INTS10: variants seen among roughly 807,000 people sequenced by gnomAD.
The protein encoded by INTS10 is integrator complex subunit 10, also known as chromosome 8 open reading frame 35.
INTS10 carries 44 observed loss-of-function variants against 94.4 expected under a neutral mutation model. The observed-to-expected ratio is 0.47, with a 90% confidence interval of 0.37 to 0.60. The LOEUF is 0.60. Ranked by LOEUF, INTS10 falls within the 20% of genes least tolerant of loss-of-function variation. INTS10 has a pLI of 0.00. For missense variants in INTS10, 797 were observed against 868.7 expected (o/e 0.92, Z 1.04); for synonymous variants, 341 against 320.7 (o/e 1.06, Z -0.68).
chr8:19,832,109 A>C lies in INTS10; in HGVS notation c.1376A>C (p.Gln459Pro). Residue 459 changes from glutamine to proline, a missense_variant and splice_region_variant, in exon 11 of 17, where the codon CAG becomes CCG. By Grantham distance (76) the Gln-to-Pro change is moderately conservative. Transcript: ENST00000397977. ...RIFLTDMIIY[Q>P]GQYKKAIASL... The stretch of plus-strand genomic sequence containing the variant: ...TTCCTCACTGATATGATCATCTATC[A>C]GGTAGAGTATTATACATATTTTAGG... 1 of 1,542,142 alleles carries C rather than the reference A, an allele frequency of 6.5e-7. No homozygotes were observed. Among genetic ancestry groups the C allele is most frequent in the South Asian group, 1.1e-5 (1 of 89,606 alleles).
In INTS10 at chr8:19,843,330, A is replaced by G. The variant is rs1422160833; in HGVS notation, c.1719+403A>G. ...AAGCATGTTAGGTGTTGAGATCAAC[A>G]CCAGTAACAGCCCAACAGTTGGGAA... On this transcript the variant is annotated intron_variant, in intron 14 of 16. Transcript: ENST00000397977. This position sits in a 1 kb window ranked among gnomAD's most constrained non-coding sequence, Gnocchi z 4.7. 2.6e-5 allele frequency among the ~76,000 whole-genome samples: 4 copies of G among 152,206 alleles called. No individual in the cohort carries two copies. Among genetic ancestry groups the G allele is most frequent in the African/African-American group, 9.6e-5 (4 of 41,458 alleles).
At position 19,819,638 on chromosome 8, in the gene INTS10, G is replaced by C; in HGVS notation, c.263G>C (p.Arg88Thr). The C allele has an allele frequency of 6.2e-7, 1 of 1,613,560 alleles. No homozygotes were observed. The highest frequency in any genetic ancestry group is 1.1e-5 in the South Asian group (1 of 90,998). Reference sequence around the variant, plus strand: ...ATCAGCATTATTACATCAGCATTAAGGAACGATTCACAGGACAAACAAACC... The same window carrying C: ...ATCAGCATTATTACATCAGCATTAACGAACGATTCACAGGACAAACAAACC... ...REISIITSAL[R>T]NDSQDKQTQF... The change falls in exon 3 of 17, where the codon AGG becomes ACG. Residue 88 changes from arginine (R) to threonine (T), a missense_variant. This residue lies in a region of INTS10 where 734 missense variants were observed against 787.8 expected (regional missense o/e 0.93). Transcript: ENST00000397977.
At chr8:19,832,610 C>G (rs2067317136) in intron 11 of INTS10, among the ~76,000 whole-genome samples, 1 of 152,060 alleles carries the variant, frequency 6.6e-6, no homozygotes, top group Admixed American at 6.6e-5. Context: ...CAAGCCTGTA[C>G]CTTCTGTGTT....
intron 2 of INTS10, 82 bp downstream of exon 2, chr8:19,818,424 G>T: frequency 7.2e-7 from 1 of 1,390,756 alleles, no homozygotes; most frequent in South Asian, 1.2e-5. Flanking sequence ...GTGGGAGTTG[G>T]GGGAAGATCT....
rs929323807 is a variant in INTS10, at chr8:19,817,452, C to CGGCGGCGGTGGCTGCCGT, written c.-79_-62dup. On this transcript the variant is annotated 5_prime_UTR_variant, in exon 1 of 17. Coordinates refer to ENST00000397977, the MANE Select transcript of INTS10 (RefSeq NM_018142.4). ...GTAGCCTCCCCCGCGGTGGCGGCGG[C>CGGCGGCGGTGGCTGCCGT]GGCGGCGGTGGCTGCCGTGGCGGCT... The CGGCGGCGGTGGCTGCCGT allele has an allele frequency of 4.7e-5, 72 of 1,517,410 alleles. No homozygotes were observed. The highest frequency in any genetic ancestry group is 2.4e-4 in the East Asian group (10 of 41,880). The allele number at this position is 1,517,410 out of a possible 1,614,324, so 94.0% of individuals were successfully genotyped here.
chr8:19,822,440 T>C lies in INTS10; in HGVS notation c.443T>C (p.Val148Ala), dbSNP rs749084226. 6.3e-7 allele frequency: 1 copy of C among 1,598,634 alleles called. No individual in the cohort carries two copies. The highest frequency in any genetic ancestry group is 8.6e-7 in the Non-Finnish European group (1 of 1,166,418). ...ATGAGTAATTTTGTTTTGAAATAGG[T>C]TGGCCTTGGGGAGGCACTATTAGAG... ...RFPETVVQHG[V>A]GLGEALLEAE... Residue 148 changes from valine (V) to alanine (A), a missense_variant and splice_region_variant, in exon 5 of 17, where the codon GTT (valine) becomes GCT (alanine). Transcript: ENST00000397977.
rs895789184 is a variant in INTS10 at position 19,833,188 on chromosome 8, T to G, written c.1397T>G (p.Ile466Arg). 6.2e-7 allele frequency: 1 copy of G among 1,606,288 alleles called. No homozygotes were observed. The highest frequency in any genetic ancestry group is 1.1e-5 in the South Asian group (1 of 90,060). Residue 466 changes from isoleucine to arginine, a missense_variant, in exon 12 of 17, where the codon ATA (isoleucine) becomes AGA (arginine). By Grantham distance (97) the Ile-to-Arg change is moderately conservative. This residue lies in a region of INTS10 where 734 missense variants were observed against 787.8 expected (regional missense o/e 0.93). Transcript: ENST00000397977. Reference sequence around the variant, plus strand: ...TCTTAGGGTCAATATAAAAAGGCGATAGCCAGCCTGCATCACTTAGCAGCT... The same window carrying G: ...TCTTAGGGTCAATATAAAAAGGCGAGAGCCAGCCTGCATCACTTAGCAGCT... ...IIYQGQYKKA[I>R]ASLHHLAALQ... is the part of the protein sequence containing the mutation.
At chr8:19,836,126 T>G (rs968574979) in intron 12 of INTS10, among the ~76,000 whole-genome samples, 23 of 151,702 alleles carry the variant, frequency 1.5e-4, no homozygotes, top group African/African-American at 5.1e-4. Context: ...ATCTACACGT[T>G]CGGCACATAT....
chr8:19,841,534 A>G (rs1185606675), intron 13 of INTS10, among the ~76,000 whole-genome samples: 3 of 152,210 alleles, frequency 2.0e-5, no homozygotes, highest in Non-Finnish European at 4.4e-5. Flanking sequence ...AGGAGCAGAA[A>G]TCCAAATGGC....
At chr8:19,822,570 G>T in intron 5 of INTS10, 50 bp downstream of exon 5, 2 of 1,171,476 alleles carry the variant, frequency 1.7e-6, no homozygotes, top group Admixed American at 1.8e-5. Context: ...TAATATGCTG[G>T]GGTAAGTGTT....
chr8:19,841,123 G>A, intron 13 of INTS10, among the ~76,000 whole-genome samples: 1 of 151,894 alleles, frequency 6.6e-6, no homozygotes. Context: ...ATTCAGTGGG[G>A]GAAGAATGAA....
At chr8:19,850,119 A>C (rs1161655947) in intron 16 of INTS10, among the ~76,000 whole-genome samples, 1 of 146,604 alleles carries the variant, frequency 6.8e-6, no homozygotes, top group Non-Finnish European at 1.5e-5. Flanking sequence ...GCAAGATAGC[A>C]AGATGCCATC....
rs765019955 is a variant in INTS10 at position 19,823,459 on chromosome 8, G to A, written c.664+18G>A. 1.9e-6 allele frequency: 3 copies of A among 1,539,264 alleles called. No individual in the cohort carries two copies. The highest frequency in any genetic ancestry group is 1.7e-5 in the Admixed American group (1 of 57,896). On this transcript the variant is annotated intron_variant, in intron 6 of 16. Coordinates refer to ENST00000397977, the MANE Select transcript of INTS10 (RefSeq NM_018142.4). ...GCATCAAGGTAAGTAGGAATACCCT[G>A]TACTTTTACTTAAATAGGCTTTAGT...
At position 19,817,466 on chromosome 8, in the gene INTS10, G is replaced by A. The variant is rs908529471; in HGVS notation, c.-72G>A. ...GGTGGCGGCGGCGGCGGCGGTGGCT[G>A]CCGTGGCGGCTGAGAGTCCAGAGCC... is the stretch of plus-strand genomic sequence containing the variant. On this transcript the variant is annotated 5_prime_UTR_variant, in exon 1 of 17. Coordinates refer to ENST00000397977, the MANE Select transcript of INTS10 (RefSeq NM_018142.4). 11 of 1,545,290 alleles carry A rather than the reference G, an allele frequency of 7.1e-6. No homozygotes were observed. The highest frequency in any genetic ancestry group is 4.1e-5 in the African/African-American group (3 of 73,210).
intron 13 of INTS10, among the ~76,000 whole-genome samples, chr8:19,842,590 G>A (rs1414181856): frequency 2.0e-5 from 3 of 152,196 alleles, no homozygotes; most frequent in Non-Finnish European, 4.4e-5. Context: ...ATAACTTTGT[G>A]TATATTTGAA....
chr8:19,828,675 C>T (rs567959634), intron 9 of INTS10, among the ~76,000 whole-genome samples: 2 of 151,100 alleles, frequency 1.3e-5, no homozygotes, highest in East Asian at 3.9e-4. Context: ...CGTTACTTGG[C>T]AAAGAACAGG....
chr8:19,845,720 G>C lies in INTS10; in HGVS notation c.1899G>C (p.Glu633Asp). Residue 633 changes from glutamate (E) to aspartate (D), a missense_variant, in exon 16 of 17, where the codon GAG (glutamate) becomes GAC (aspartate). By Grantham distance (45) the Glu-to-Asp change is conservative. Around this residue, in one of 3 missense-constraint regions of INTS10, gnomAD observed 734 missense variants for 787.8 expected, o/e 0.93. Coordinates refer to ENST00000397977, the MANE Select transcript of INTS10 (RefSeq NM_018142.4). ...GGCCTGCAGATATTGATATGCTGGA[G>C]GAATTTGCCTACTTGAGAACTCAGG... ...FNYVTNIDML[E>D]EFAYLRTQEG... 6.2e-7 allele frequency: 1 copy of C among 1,613,328 alleles called. No homozygotes were observed. Among genetic ancestry groups the C allele is most frequent in the Non-Finnish European group, 8.5e-7 (1 of 1,179,284 alleles).
At chr8:19,829,027 G>A (rs2067028528) in intron 9 of INTS10, among the ~76,000 whole-genome samples, 1 of 152,190 alleles carries the variant, frequency 6.6e-6, no homozygotes. Flanking sequence ...GCAGTGGAGG[G>A]AGGTGCTGAC....
chr8:19,819,445 G>T, intron 2 of INTS10, 128 bp from the exon 3 acceptor site: 2 of 556,128 alleles, frequency 3.6e-6, no homozygotes. Flanking sequence ...TTTTATTTTG[G>T]TTTGTTTTGG....
Sources: allele counts gnomAD v4.1 joint callset (sites outside exome capture counted in the v4.1 genomes callset), GRCh38; gene constraint gnomAD v4.1.1; regional missense constraint gnomAD v4.1.1; non-coding constraint Gnocchi (gnomAD v3.1); transcripts MANE v1.5; gene names NCBI Gene and HGNC (gene_info 2026-07-23, HGNC 2026-07-21).